Variants in ABCC9 observed in about 807,000 individuals in gnomAD.
ABCC9 encodes ATP-binding cassette sub-family C member 9.
Under a neutral mutation model 188.3 loss-of-function variants are expected in ABCC9, and 95 were observed. The ratio of observed to expected loss-of-function variants is 0.50; its 90% confidence interval spans 0.43 to 0.60. The LOEUF is 0.60. Among genes scored for constraint, ABCC9 ranks in the 20% least tolerant of loss-of-function variants. The pLI is 0.00. For synonymous variants in ABCC9, 659 were observed against 652.7 expected, an observed-to-expected ratio of 1.01 and a Z score of -0.15; for missense variants, 1,102 against 1,876.3, an observed-to-expected ratio of 0.59 and a Z score of 7.62.
intron 28 of ABCC9, among the ~76,000 whole-genome samples, chr12:21,844,154 C>G (rs1441244044): frequency 1.3e-5 from 2 of 152,244 alleles, no homozygotes; most frequent in Middle Eastern, 3.4e-3. Flanking sequence ...GAATACTAAA[C>G]TTTTAAGAAC....
At chr12:21,921,000 T>C (rs1592239247) in intron 5 of ABCC9, among the ~76,000 whole-genome samples, 1 of 152,192 alleles carries the variant, frequency 6.6e-6, no homozygotes, top group Non-Finnish European at 1.5e-5. Context: ...CTTCAAAATC[T>C]TAGCTATTGT....
chr12:21,886,405 G>T (rs704207), intron 15 of ABCC9, among the ~76,000 whole-genome samples: 151,692 of 152,174 alleles, frequency 1, 75,607 homozygotes, highest in Middle Eastern at 1. Context: ...TCACAAGTCT[G>T]TATCAGCTCA....
chr12:21,915,640 A>G, intron 7 of ABCC9, 28 bp downstream of exon 7: 19 of 1,609,220 alleles, frequency 1.2e-5, no homozygotes, highest in Non-Finnish European at 1.5e-5. Flanking sequence ...TCTGTAATTA[A>G]GCACATGGAA....
intron 18 of ABCC9, among the ~76,000 whole-genome samples, 178 bp downstream of exon 18, chr12:21,872,447 G>A (rs1045230075): frequency 7.9e-5 from 12 of 151,598 alleles, no homozygotes; most frequent in African/African-American, 2.7e-4. Flanking sequence ...GTAATAAATT[G>A]TTTTGTAACT....
intron 24 of ABCC9, among the ~76,000 whole-genome samples, chr12:21,849,428 T>C (rs532359493): frequency 6.6e-6 from 1 of 152,236 alleles, no homozygotes; most frequent in Admixed American, 6.5e-5. Flanking sequence ...CATAACGATA[T>C]GAAGACCAAC....
At chr12:21,916,916 C>T in intron 6 of ABCC9, 21 bp downstream of exon 6, 3 of 1,580,980 alleles carry the variant, frequency 1.9e-6, no homozygotes, top group Non-Finnish European at 2.6e-6. Context: ...AGTAACTAAA[C>T]AAAAGCCATT....
At chr12:21,896,532 T>C (rs1184747519) in intron 12 of ABCC9, among the ~76,000 whole-genome samples, 4 of 152,188 alleles carry the variant, frequency 2.6e-5, no homozygotes, top group Admixed American at 2.6e-4. Flanking sequence ...TTGCTACACC[T>C]ATTAAGCCCA....
intron 39 of ABCC9, among the ~76,000 whole-genome samples, chr12:21,804,226 G>A (rs2137098517): frequency 6.6e-6 from 1 of 152,324 alleles, no homozygotes; most frequent in South Asian, 2.1e-4. Flanking sequence ...AGTGAATGTA[G>A]AAGAGAAATT....
Position 21,912,944 on chromosome 12 carries a change from A to G in ABCC9, c.939T>C (p.Ala313=), listed in dbSNP as rs1055745690. 1 of 1,613,600 alleles carries G rather than the reference A, an allele frequency of 6.2e-7. No individual in the cohort carries two copies. Among genetic ancestry groups the G allele is most frequent in the Non-Finnish European group, 8.5e-7 (1 of 1,179,736 alleles). ...FRYLADLLGF[A]GPLCISGIVQ... is the part of the protein sequence containing the mutation. ...CTATTCCAGAAATACAAAGAGGTCC[A>G]GCAAAACCCAGTAAATCAGCCAGAT... is the stretch of plus-strand genomic sequence containing the variant. The change falls in exon 8 of 40, where the codon GCT becomes GCC. Residue 313 remains alanine (A), a synonymous_variant. Transcript: ENST00000261200.
chr12:21,900,116 A>C (rs921086331), intron 12 of ABCC9, among the ~76,000 whole-genome samples: 1 of 152,224 alleles, frequency 6.6e-6, no homozygotes, highest in Non-Finnish European at 1.5e-5. Flanking sequence ...CGAAGCTTCC[A>C]GAGGACCGAT....
chr12:21,805,062 C>G, intron 39 of ABCC9: 391 of 1,436,260 alleles, frequency 2.7e-4, no homozygotes, highest in Non-Finnish European at 3.5e-4. Context: ...GCAGTTAGTT[C>G]CCTCATCTCA....
chr12:21,917,228 T>C (rs1433712880), intron 5 of ABCC9, 125 bp from the exon 6 acceptor site: 13 of 1,004,152 alleles, frequency 1.3e-5, no homozygotes, highest in Non-Finnish European at 1.7e-5. Context: ...CACATGGTTT[T>C]ACTTGGTAAG....
At chr12:21,850,033 C>T (rs1259762768) in intron 24 of ABCC9, among the ~76,000 whole-genome samples, 1 of 151,792 alleles carries the variant, frequency 6.6e-6, no homozygotes, top group Admixed American at 6.6e-5. Flanking sequence ...CTTCCTTCTC[C>T]ACTTGCTTGA....
At chr12:21,821,759 A>G (rs1214028320) in intron 31 of ABCC9, among the ~76,000 whole-genome samples, 3 of 152,184 alleles carry the variant, frequency 2.0e-5, no homozygotes, top group African/African-American at 7.2e-5. Flanking sequence ...TTTCCATTGA[A>G]TTAAAATGAT....
intron 4 of ABCC9, among the ~76,000 whole-genome samples, chr12:21,933,426 T>G (rs1949364078): frequency 6.6e-6 from 1 of 152,098 alleles, no homozygotes; most frequent in African/African-American, 2.4e-5. Context: ...TTAAAAGTTT[T>G]GTGGTTTGCA....
intron 12 of ABCC9, 127 bp downstream of exon 12, chr12:21,905,999 G>T (rs951984636): frequency 9.2e-7 from 1 of 1,089,032 alleles, no homozygotes; most frequent in Non-Finnish European, 1.4e-6. Context: ...GACAGCACGT[G>T]TTTAGAAAAT....
At chr12:21,820,436 C>G (rs1297324665) in intron 31 of ABCC9, among the ~76,000 whole-genome samples, 1 of 152,044 alleles carries the variant, frequency 6.6e-6, no homozygotes, top group Non-Finnish European at 1.5e-5. Context: ...TTAGAATTAA[C>G]AGTGCCTTCC....
chr12:21,915,490 G>A (rs1346977008), intron 7 of ABCC9, among the ~76,000 whole-genome samples, 178 bp downstream of exon 7: 1 of 15,640 alleles, frequency 6.4e-5, no homozygotes, highest in Non-Finnish European at 1.2e-4. Context: ...GTGTGTGTGT[G>A]TGTGTGTGTG....
At chr12:21,927,500 CTGAT>C (rs1286058632) in intron 4 of ABCC9, among the ~76,000 whole-genome samples, 7 of 152,228 alleles carry the variant, frequency 4.6e-5, no homozygotes, top group African/African-American at 9.6e-5. Context: ...TTGGAAAAGA[CTGAT>C]TGGTGAAATA....
Sources: allele counts gnomAD v4.1 joint callset (sites outside exome capture counted in the v4.1 genomes callset), GRCh38; gene constraint gnomAD v4.1.1; transcripts MANE v1.5; gene names NCBI Gene and HGNC (gene_info 2026-07-23, HGNC 2026-07-21).